Variants in RPS6KC1 observed in about 807,000 individuals in gnomAD.
RPS6KC1 encodes the protein ribosomal protein S6 kinase C1.
RPS6KC1 carries 54 observed loss-of-function variants against 103.8 expected under a neutral mutation model. The observed-to-expected ratio is 0.52, with a 90% CI of 0.42 to 0.65. The LOEUF (loss-of-function observed/expected upper bound fraction) is 0.65. Among genes scored for constraint, RPS6KC1 ranks in the 30% least tolerant of loss-of-function variants. The probability of loss-of-function intolerance (pLI) is 0.00; values close to 1 mark genes in which losing one functional copy is unlikely to be tolerated. For missense variants in RPS6KC1, 1,151 were observed against 1,253.8 expected (o/e 0.92, Z 1.24); for synonymous variants, 439 against 438.7 (o/e 1.00, Z -0.01).
chr1:213,325,121 T>C, the RPS6KC1 span, among the ~76,000 whole-genome samples: 3 of 152,194 alleles, frequency 2.0e-5, no homozygotes, highest in Non-Finnish European at 2.9e-5. Flanking sequence ...GTTGATTACA[T>C]TTCCAGCCAA....
chr1:213,815,527 G>A, the RPS6KC1 span, among the ~76,000 whole-genome samples: 615 of 152,190 alleles, frequency 4.0e-3, 4 homozygotes, highest in African/African-American at 0.012. Context: ...AACTGAAATC[G>A]AAAACAAATT....
chr1:213,149,025 G>T (rs746068974), intron 6 of RPS6KC1, among the ~76,000 whole-genome samples: 27 of 151,636 alleles, frequency 1.8e-4, no homozygotes, highest in Non-Finnish European at 3.4e-4. Flanking sequence ...TATAAAGTCT[G>T]TTTTTACATT....
At chr1:213,344,866 A>AT in the RPS6KC1 span, among the ~76,000 whole-genome samples, 1 of 152,174 alleles carries the variant, frequency 6.6e-6, no homozygotes, top group African/African-American at 2.4e-5. Flanking sequence ...ACTAGAATGT[A>AT]TTCTCCATGA....
At chr1:213,217,693 C>T (rs1035418404) in intron 8 of RPS6KC1, among the ~76,000 whole-genome samples, 1 of 152,180 alleles carries the variant, frequency 6.6e-6, no homozygotes, top group Non-Finnish European at 1.5e-5. Flanking sequence ...TGGGCTTCAT[C>T]CCTGGGATGC....
At chr1:213,586,307 C>T in the RPS6KC1 span, among the ~76,000 whole-genome samples, 1 of 152,204 alleles carries the variant, frequency 6.6e-6, no homozygotes, top group East Asian at 1.9e-4. Context: ...ATTAGAGGCA[C>T]TCTCTCAGCC....
intron 14 of RPS6KC1, among the ~76,000 whole-genome samples, chr1:213,272,219 G>T (rs1173883178): frequency 6.6e-6 from 1 of 152,108 alleles, no homozygotes; most frequent in Non-Finnish European, 1.5e-5. Flanking sequence ...TGTACTTTTG[G>T]GGTAGGAAAT....
Position 213,273,989 on chromosome 1 carries a change from A to G in RPS6KC1, c.*1355A>G, listed in dbSNP as rs17020376. On this transcript the variant is annotated 3_prime_UTR_variant, in exon 15 of 15. Coordinates refer to ENST00000366960, the MANE Select transcript of RPS6KC1 (RefSeq NM_012424.6). ...CTCCAGGAGCATCTGTACAGCTTCC[A>G]TCTGCCATCGACCAGGTCCTCTCAT... 669 of 152,336 alleles carry G rather than the reference A, an allele frequency of 4.4e-3. 4 individuals carry two copies. Among genetic ancestry groups the G allele is most frequent in the African/African-American group, 0.016 (645 of 41,576 alleles). 9.4% of individuals were successfully genotyped at this position (152,336 alleles called of 1,614,324 possible).
chr1:213,668,200 A>G, the RPS6KC1 span, among the ~76,000 whole-genome samples: 8 of 152,068 alleles, frequency 5.3e-5, no homozygotes, highest in Admixed American at 1.3e-4. Flanking sequence ...AGGAATCACT[A>G]TTTATGACAG....
intron 12 of RPS6KC1, among the ~76,000 whole-genome samples, chr1:213,252,767 A>G (rs1388975075): frequency 6.6e-6 from 1 of 152,056 alleles, no homozygotes; most frequent in Non-Finnish European, 1.5e-5. Flanking sequence ...CTTCTTCCCT[A>G]GTGTATTTAC....
the RPS6KC1 span, among the ~76,000 whole-genome samples, chr1:213,521,141 C>A: frequency 9.9e-5 from 15 of 152,028 alleles, no homozygotes; most frequent in Admixed American, 3.9e-4. Context: ...ACCTTATTAT[C>A]CTTTAACAAC....
rs780710202 is a variant in RPS6KC1 at position 213,142,110 on chromosome 1, T to C, written c.835+12221T>C. Among the ~76,000 whole-genome samples, 96 of 152,246 alleles carry C rather than the reference T, an allele frequency of 6.3e-4. 1 individual carries two copies. The highest frequency in any genetic ancestry group is 6.6e-4 in the Non-Finnish European group (45 of 68,030). On this transcript the variant is annotated intron_variant, in intron 6 of 14. Transcript: ENST00000366960. ...CAAGTTTTCTTGTTGAATCGAACCC[T>C]TTATCATTATGTAATGCCTTTCCTT... is the stretch of plus-strand genomic sequence containing the variant.
the RPS6KC1 span, among the ~76,000 whole-genome samples, chr1:213,790,916 A>G: frequency 1.9e-5 from 2 of 106,014 alleles, no homozygotes; most frequent in African/African-American, 6.5e-5. Flanking sequence ...CTTCTTTTAA[A>G]TAGTGTTTTC....
the RPS6KC1 span, among the ~76,000 whole-genome samples, chr1:213,523,970 C>G: frequency 1.3e-5 from 2 of 152,068 alleles, no homozygotes; most frequent in Non-Finnish European, 2.9e-5. Flanking sequence ...ACCCCTGAGA[C>G]AAGTACAAAG....
chr1:213,289,253 CAAAAA>C, the RPS6KC1 span, among the ~76,000 whole-genome samples: 8 of 77,098 alleles, frequency 1.0e-4, no homozygotes, highest in Admixed American at 1.7e-4. Context: ...GTTGGATGCT[CAAAAA>C]AAAAAAAAAA....
chr1:213,572,522 A>G, the RPS6KC1 span, among the ~76,000 whole-genome samples: 1 of 152,262 alleles, frequency 6.6e-6, no homozygotes, highest in Non-Finnish European at 1.5e-5. Context: ...TTATGTTGAA[A>G]TGAAACACAT....
chr1:213,630,931 C>G, the RPS6KC1 span, among the ~76,000 whole-genome samples: 4 of 152,184 alleles, frequency 2.6e-5, no homozygotes, highest in African/African-American at 9.6e-5. Flanking sequence ...GATTGTTCCT[C>G]TGGAAGTTTT....
chr1:213,811,538 G>A, the RPS6KC1 span, among the ~76,000 whole-genome samples: 2 of 152,232 alleles, frequency 1.3e-5, no homozygotes, highest in Non-Finnish European at 2.9e-5. Flanking sequence ...TAATGGGATA[G>A]GCCATAGGAA....
chr1:213,678,625 A>C, the RPS6KC1 span, among the ~76,000 whole-genome samples: 1 of 152,186 alleles, frequency 6.6e-6, no homozygotes, highest in South Asian at 2.1e-4. Context: ...TTTTGGTCTG[A>C]CCCAGACATA....
chr1:213,760,825 T>C, the RPS6KC1 span, among the ~76,000 whole-genome samples: 1 of 151,368 alleles, frequency 6.6e-6, no homozygotes. Context: ...GCCTGTTAAC[T>C]GTGTCAGGAA....
Sources: gnomAD v4.1 joint callset for allele counts (sites outside exome capture counted in the v4.1 genomes callset) on GRCh38, gnomAD v4.1.1 for gene constraint, MANE v1.5 for transcripts, NCBI Gene and HGNC (gene_info 2026-07-23, HGNC 2026-07-21) for gene names.